CES2: variants seen among roughly 807,000 people sequenced by gnomAD.
The protein encoded by CES2 is cocaine esterase.
In CES2, 42 loss-of-function variants were observed where a neutral mutation model predicts 52.1. The observed-to-expected ratio is 0.81, with a 90% CI of 0.63 to 1.04. The LOEUF is 1.04. CES2 is among the 50% of genes least tolerant of loss of function. The probability of loss-of-function intolerance (pLI) is 0.00; values close to 1 mark genes in which losing one functional copy is unlikely to be tolerated. For missense variants in CES2, 656 were observed against 724.3 expected (o/e 0.91, Z 1.08); for synonymous variants, 277 against 289.6 (o/e 0.96, Z 0.44).
intron 2 of CES2, 153 bp downstream of exon 2, chr16:66,938,394 G>C: frequency 3.2e-6 from 2 of 632,208 alleles, no homozygotes; most frequent in Non-Finnish European, 5.7e-6. Flanking sequence ...TTTTTCCAAT[G>C]AGCATGCTGA....
chr16:66,941,574 C>A lies in CES2; in HGVS notation c.984C>A (p.Ala328=), dbSNP rs1597009325. Residue 328 remains alanine (A), a synonymous_variant, in exon 7 of 12, where the codon GCC becomes GCA. Coordinates refer to ENST00000317091, the MANE Select transcript of CES2 (RefSeq NM_001365405.1). Reference sequence around the variant, plus strand: ...CCAGGCACCCCCAGGAGCTGCTGGCCTCTGCCGACTTTCAGCCTGTCCCTA... The same window carrying A: ...CCAGGCACCCCCAGGAGCTGCTGGCATCTGCCGACTTTCAGCCTGTCCCTA... ...FLPRHPQELL[A]SADFQPVPSI... 1 of 1,614,162 alleles carries A rather than the reference C, an allele frequency of 6.2e-7. No individual in the cohort carries two copies. The highest frequency in any genetic ancestry group is 2.2e-5 in the East Asian group (1 of 44,882).
In CES2 at chr16:66,941,494, A is replaced by T; in HGVS notation, c.916-12A>T. ...ACCTGACCTTGTTCCCTGACCTTAC[A>T]TTTCCCCTCAGCCTTTCAAGATGAT... On this transcript the variant is annotated splice_polypyrimidine_tract_variant and intron_variant, in intron 6 of 11. Coordinates refer to ENST00000317091, the MANE Select transcript of CES2 (RefSeq NM_001365405.1). The T allele has an allele frequency of 6.2e-7, 1 of 1,613,516 alleles. No homozygotes were observed. Among genetic ancestry groups the T allele is most frequent in the Non-Finnish European group, 8.5e-7 (1 of 1,179,758 alleles).
chr16:66,935,141 T>A (rs1186335284), upstream of CES2: 1 of 339,590 alleles, frequency 2.9e-6, no homozygotes, highest in Non-Finnish European at 5.4e-6. Context: ...CCTTCCTGCC[T>A]TTGCTCAAGC....
chr16:66,940,188 G>A (rs573993430), intron 3 of CES2, 34 bp from the exon 4 acceptor site: 2 of 1,610,104 alleles, frequency 1.2e-6, no homozygotes, highest in Admixed American at 1.7e-5. Flanking sequence ...TGGGCTGGGT[G>A]GGAGCATCAT....
In CES2 at chr16:66,941,841, C is replaced by T. The variant is rs150408050; in HGVS notation, c.1130C>T (p.Thr377Met). 8.1e-4 allele frequency: 1,304 copies of T among 1,614,116 alleles called. 7 individuals are homozygous for T. The highest frequency in any genetic ancestry group is 8.3e-4 in the Middle Eastern group (5 of 6,056). The change falls in exon 8 of 12, where the codon ACG (threonine) becomes ATG (methionine). Residue 377 changes from threonine to methionine, a missense_variant. By Grantham distance (81) the Thr-to-Met change is moderately conservative. Coordinates refer to ENST00000317091, the MANE Select transcript of CES2 (RefSeq NM_001365405.1). ...CAGGCTGCTCTGCAGAAAATGTTAA[C>T]GCTGCTGGTAAGGCTCCTGGGGTCC... ...ASQAALQKML[T>M]LLMLPPTFGD...
At chr16:66,942,546 C>T in intron 9 of CES2, 102 bp from the exon 10 acceptor site, 1 of 1,355,938 alleles carries the variant, frequency 7.4e-7, no homozygotes, top group Non-Finnish European at 1.0e-6. Context: ...CCCCATTGTC[C>T]AGATTCCAGC....
At chr16:66,935,921 G>C (rs544349251) in intron 1 of CES2, 2 of 1,441,142 alleles carry the variant, frequency 1.4e-6, no homozygotes, top group Non-Finnish European at 1.8e-6. Flanking sequence ...GGGACACCAC[G>C]GCAAGGAACC....
intron 1 of CES2, among the ~76,000 whole-genome samples, chr16:66,937,654 G>A (rs920183397): frequency 6.6e-6 from 1 of 152,122 alleles, no homozygotes; most frequent in Admixed American, 6.5e-5. Context: ...TTCTTTACAT[G>A]ATTTCTTGCC....
At chr16:66,934,660 T>A, upstream of CES2, 2 of 401,022 alleles carry the variant, frequency 5.0e-6, no homozygotes, top group Admixed American at 8.5e-5. The surrounding 1 kb of genome is among the most constrained non-coding windows in gnomAD (Gnocchi z 4.1). Context: ...CAGGGGGCAC[T>A]AAAGGCGGTC....
In CES2 at chr16:66,940,371, G is replaced by C. The variant is rs749635127; in HGVS notation, c.557+16G>C. The C allele has an allele frequency of 1.2e-6, 2 of 1,614,200 alleles. No homozygotes were observed. The highest frequency in any genetic ancestry group is 1.7e-6 in the Non-Finnish European group (2 of 1,180,026). On this transcript the variant is annotated intron_variant, in intron 4 of 11. Coordinates refer to ENST00000317091, the MANE Select transcript of CES2 (RefSeq NM_001365405.1). ...GCTTCTTCAGGTGAGACTAGGGCTG[G>C]GCTGGGCAACCCGGGCTGAGCGGGG...
intron 1 of CES2, 56 bp downstream of exon 1, chr16:66,935,767 G>A (rs745340469): frequency 6.3e-7 from 1 of 1,598,074 alleles, no homozygotes. Flanking sequence ...CAAATGCTGC[G>A]GAGGCAGAAC....
intron 1 of CES2, among the ~76,000 whole-genome samples, chr16:66,937,290 C>T (rs1025306628): frequency 1.3e-5 from 2 of 152,196 alleles, no homozygotes; most frequent in Non-Finnish European, 2.9e-5. Context: ...CCAACCAGTC[C>T]TGGCTTCTCC....
In CES2 at chr16:66,935,718, C is replaced by A. The variant is rs1430079116; in HGVS notation, c.76+7C>A. On this transcript the variant is annotated splice_region_variant and intron_variant, in intron 1 of 11. Transcript: ENST00000317091. ...CTTCTTGTCCGGGGCCAGGGTGAGG[C>A]TCCCTCGGAGGGGCGACAGGGACCG... 4.4e-6 allele frequency: 7 copies of A among 1,599,630 alleles called. No individual in the cohort carries two copies. Among genetic ancestry groups the A allele is most frequent in the Middle Eastern group, 3.3e-4 (2 of 6,058 alleles).
intron 2 of CES2, among the ~76,000 whole-genome samples, chr16:66,939,011 C>T (rs1046300212): frequency 1.3e-5 from 2 of 152,166 alleles, no homozygotes; most frequent in African/African-American, 2.4e-5. Flanking sequence ...TCAGTAACCT[C>T]GAGGCCTCCC....
chr16:66,941,700 G>A, intron 7 of CES2, 54 bp downstream of exon 7: 3 of 1,613,206 alleles, frequency 1.9e-6, no homozygotes, highest in South Asian at 2.2e-5. Context: ...GGTAGTGGGG[G>A]GTGTTCAGGG....
Position 66,941,063 on chromosome 16 carries a change from T to G in CES2, c.817-61T>G, listed in dbSNP as rs991712058. 2.3e-5 allele frequency: 37 copies of G among 1,603,458 alleles called. No homozygotes were observed. In the African/African-American group the frequency reaches 4.7e-4, roughly 20 times the overall value. On this transcript the variant is annotated intron_variant, in intron 5 of 11. Transcript: ENST00000317091. ...GTACCCCTGTTCTTGGCCAGGGCCT[T>G]GGGCAAACTCCTCTCCTCTACCTGG...
chr16:66,936,710 GTA>G (rs1963225607), intron 1 of CES2, among the ~76,000 whole-genome samples: 1 of 152,062 alleles, frequency 6.6e-6, no homozygotes, highest in South Asian at 2.1e-4. Flanking sequence ...TCTCCTAAGT[GTA>G]TGATCTGTCT....
At chr16:66,939,065 T>C (rs2303218) in intron 2 of CES2, 152 bp from the exon 3 acceptor site, 15,682 of 650,742 alleles carry the variant, frequency 0.024, 1,062 homozygotes, top group East Asian at 0.21. Context: ...GCCTGTGGCC[T>C]GTAACTTGGT....
In CES2 at chr16:66,940,555, G is replaced by A; in HGVS notation, c.676G>A (p.Gly226Ser). The stretch of plus-strand genomic sequence containing the variant: ...CAACCCTGACCGTGTCACCATTTTT[G>A]GCGAGTCTGCGGGTGGCACGAGTGT... ...GGNPDRVTIF[G>S]ESAGGTSVSS... is the part of the protein sequence containing the mutation. Residue 226 changes from glycine (G) to serine (S), a missense_variant, in exon 5 of 12, where the codon GGC becomes AGC. Coordinates refer to ENST00000317091, the MANE Select transcript of CES2 (RefSeq NM_001365405.1). 1 of 1,614,212 alleles carries A rather than the reference G, an allele frequency of 6.2e-7. No individual in the cohort carries two copies. The highest frequency in any genetic ancestry group is 8.5e-7 in the Non-Finnish European group (1 of 1,180,028).
Sources: allele counts gnomAD v4.1 joint callset (sites outside exome capture counted in the v4.1 genomes callset), GRCh38; gene constraint gnomAD v4.1.1; non-coding constraint Gnocchi (gnomAD v3.1); transcripts MANE v1.5; gene names NCBI Gene and HGNC (gene_info 2026-07-23, HGNC 2026-07-21).